Variants in PTK6 observed in about 807,000 individuals in gnomAD.
PTK6 encodes protein tyrosine kinase 6.
PTK6 carries 47 observed loss-of-function variants against 47.5 expected under a neutral mutation model. The observed-to-expected ratio is 0.99, with a 90% CI of 0.78 to 1.26. The LOEUF is 1.26. Ranked by LOEUF, PTK6 falls within the 50% of genes most tolerant of loss-of-function variation. PTK6 has a pLI of 0.00. For synonymous variants in PTK6, 287 were observed against 276.5 expected, an observed-to-expected ratio of 1.04 and a Z score of -0.38; for missense variants, 618 against 625.3, an observed-to-expected ratio of 0.99 and a Z score of 0.12.
rs2082640484 is a variant in PTK6 at position 63,533,399 on chromosome 20, A to G, written c.670+152T>C. On this transcript the variant is annotated intron_variant, in intron 4 of 7. Transcript: ENST00000542869. The surrounding 1 kb of genome is among the most constrained non-coding windows in gnomAD (Gnocchi z 4.0). Reference sequence around the variant, plus strand: ...TCTTTTATAATAAATGTATTTAGGTAAAAACATAGGTGCAATTGAAAGGGA... The same window carrying G: ...TCTTTTATAATAAATGTATTTAGGTGAAAACATAGGTGCAATTGAAAGGGA... The G allele has an allele frequency of 2.3e-6, 2 of 869,760 alleles. No individual in the cohort carries two copies. The highest frequency in any genetic ancestry group is 3.2e-6 in the Non-Finnish European group (2 of 623,508). The allele number at this position is 869,760 out of a possible 1,614,324, so 53.9% of individuals were successfully genotyped here.
Position 63,533,650 on chromosome 20 carries a change from A to T in PTK6, c.571T>A (p.Phe191Ile). Residue 191 changes from phenylalanine to isoleucine, a missense_variant, in exon 4 of 8, where the codon TTC becomes ATC. Transcript: ENST00000542869. This position sits in a 1 kb window ranked among gnomAD's most constrained non-coding sequence, Gnocchi z 4.0. ...WDDWERPREEFTLCRKLGSGY... is the reference protein window; with the variant it reads ...WDDWERPREEITLCRKLGSGY... The stretch of plus-strand genomic sequence containing the variant: ...GACCCCAGCTTCCTGCAGAGCGTGA[A>T]CTCCTCCCTCGGCCTCTCCCAGTCA... 1 of 1,613,298 alleles carries T rather than the reference A, an allele frequency of 6.2e-7. No homozygotes were observed.
intron 2 of PTK6, 101 bp downstream of exon 2, chr20:63,534,837 C>T: frequency 1.4e-6 from 2 of 1,433,060 alleles, no homozygotes; most frequent in Non-Finnish European, 1.8e-6. Flanking sequence ...AGCCCATGTC[C>T]CCCGTCTCAG....
rs538978244 is a variant in PTK6 at position 63,529,598 on chromosome 20, G to A, written c.1294C>T (p.Pro432Ser). 5 of 1,566,484 alleles carry A rather than the reference G, an allele frequency of 3.2e-6. No individual in the cohort carries two copies. In the South Asian group the frequency reaches 3.5e-5, roughly 11 times the overall value. Residue 432 changes from proline (P) to serine (S), a missense_variant, in exon 8 of 8, where the codon CCC (proline) becomes TCC (serine). By Grantham distance (74) the Pro-to-Ser change is moderately conservative. Transcript: ENST00000542869. The surrounding 1 kb of genome is among the most constrained non-coding windows in gnomAD (Gnocchi z 5.6). ...CTCTCCCGCAGGGCCTTGAAGCAGGGTCTCTGCTCGGGGTCCCTGCACCAG... is the reference window on the plus strand; with the variant it reads ...CTCTCCCGCAGGGCCTTGAAGCAGGATCTCTGCTCGGGGTCCCTGCACCAG... ...TCWCRDPEQRPCFKALRERLS... is the reference protein window; with the variant it reads ...TCWCRDPEQRSCFKALRERLS...
At chr20:63,534,917 G>A in intron 2 of PTK6, 21 bp downstream of exon 2, 3 of 1,581,472 alleles carry the variant, frequency 1.9e-6, no homozygotes, top group Non-Finnish European at 1.7e-6. Flanking sequence ...GCAAGCACAG[G>A]CTCGGAGGCC....
At position 63,534,195 on chromosome 20, in the gene PTK6, T is replaced by C. The variant is rs1169486629; in HGVS notation, c.473A>G (p.Gln158Arg). ...CAGCCGCAGGCCGTGGGACAGGCTC[T>C]GGGCCCTGTGGTAGTTCACAAGCTC... is the stretch of plus-strand genomic sequence containing the variant. ...LPELVNYHRA[Q>R]SLSHGLRLAA... Residue 158 changes from glutamine to arginine, a missense_variant, in exon 3 of 8, where the codon CAG becomes CGG. Transcript: ENST00000542869. 1 of 1,574,808 alleles carries C rather than the reference T, an allele frequency of 6.3e-7. No individual in the cohort carries two copies. Among genetic ancestry groups the C allele is most frequent in the Non-Finnish European group, 8.6e-7 (1 of 1,161,446 alleles).
intron 1 of PTK6, among the ~76,000 whole-genome samples, chr20:63,536,161 C>G (rs1884823): frequency 4.4e-4 from 2 of 4,564 alleles, no homozygotes; most frequent in Non-Finnish European, 8.3e-4. Context: ...CGCTCCCCCC[C>G]CCACCTGGCC....
chr20:63,531,895 G>A (rs563416254), intron 5 of PTK6, among the ~76,000 whole-genome samples: 4 of 152,354 alleles, frequency 2.6e-5, no homozygotes, highest in South Asian at 4.1e-4. Flanking sequence ...CGAGGGGTAC[G>A]GAGCCTTTCG....
rs2082589241 is a variant in PTK6 at position 63,528,137 on chromosome 20, T to C, written c.*1399A>G. The C allele has an allele frequency of 1.3e-5, 2 of 152,196 alleles. No individual in the cohort carries two copies. Among genetic ancestry groups the C allele is most frequent in the South Asian group, 4.1e-4 (2 of 4,832 alleles). The allele number at this position is 152,196 out of a possible 1,614,324, so 9.4% of individuals were successfully genotyped here. On this transcript the variant is annotated 3_prime_UTR_variant, in exon 8 of 8. Coordinates refer to ENST00000542869, the MANE Select transcript of PTK6 (RefSeq NM_005975.4). ...TTGCACCAGATTTCTAGGAATAGCATGTGAGATAGGATATATATCATAGGA... is the reference window on the plus strand; with the variant it reads ...TTGCACCAGATTTCTAGGAATAGCACGTGAGATAGGATATATATCATAGGA...
Position 63,537,164 on chromosome 20 carries a change from C to T in PTK6, c.151G>A (p.Asp51Asn). The T allele has an allele frequency of 6.2e-7, 1 of 1,612,342 alleles. No homozygotes were observed. Among genetic ancestry groups the T allele is most frequent in the South Asian group, 1.1e-5 (1 of 90,998 alleles). ...TGGGCCACGGCCCCACCCGCCTCGTCCAGCAGCGTGGCCCACCACCACTGC... is the reference window on the plus strand; with the variant it reads ...TGGGCCACGGCCCCACCCGCCTCGTTCAGCAGCGTGGCCCACCACCACTGC... Reference protein sequence around the residue: ...EEQWWWATLLDEAGGAVAQGY... With the variant: ...EEQWWWATLLNEAGGAVAQGY... The change falls in exon 1 of 8, where the codon GAC (aspartate) becomes AAC (asparagine). Residue 51 changes from aspartate (D) to asparagine (N), a missense_variant. Coordinates refer to ENST00000542869, the MANE Select transcript of PTK6 (RefSeq NM_005975.4).
chr20:63,529,786 A>C lies in PTK6; in HGVS notation c.1169-63T>G. 3 of 1,458,004 alleles carry C rather than the reference A, an allele frequency of 2.1e-6. No individual in the cohort carries two copies. The highest frequency in any genetic ancestry group is 2.8e-6 in the Non-Finnish European group (3 of 1,087,392). The allele number at this position is 1,458,004 out of a possible 1,614,324, so 90.3% of individuals were successfully genotyped here. On this transcript the variant is annotated intron_variant, in intron 7 of 7. Coordinates refer to ENST00000542869, the MANE Select transcript of PTK6 (RefSeq NM_005975.4). The surrounding 1 kb of genome is among the most constrained non-coding windows in gnomAD (Gnocchi z 5.6). The stretch of plus-strand genomic sequence containing the variant: ...TGCCTACCCTCCCCCAAGAAGCCAC[A>C]CCAGCCATCCACTGCCCCTTCCTGG...
At chr20:63,532,459 G>A in intron 5 of PTK6, 67 bp downstream of exon 5, 2 of 1,500,560 alleles carry the variant, frequency 1.3e-6, no homozygotes, top group South Asian at 1.2e-5. Context: ...GTGGGGGGGG[G>A]GTGTGCACTT....
rs1450323297 is a variant in PTK6 at position 63,532,309 on chromosome 20, G to GTGTGTGCATGTGTATGTC, written c.832+199_832+216dup. Among the ~76,000 whole-genome samples the GTGTGTGCATGTGTATGTC allele has an allele frequency of 3.3e-5, 4 of 120,132 alleles. No homozygotes were observed. The South Asian group carries it at 6.3e-4, about 19-fold the overall frequency. The allele number at this position is 120,132 out of a possible 152,430, so 78.8% of individuals were successfully genotyped here. ...TGTGATGTGTCTTGTGTGTGTGTCT[G>GTGTGTGCATGTGTATGTC]TGTGTGCATGTGTATGTCTGTGTGC... On this transcript the variant is annotated intron_variant, in intron 5 of 7. Transcript: ENST00000542869.
chr20:63,537,317 C>A lies in PTK6; in HGVS notation c.-3G>T, dbSNP rs368269732. 38 of 1,604,674 alleles carry A rather than the reference C, an allele frequency of 2.4e-5. No homozygotes were observed. The highest frequency in any genetic ancestry group is 3.1e-5 in the Non-Finnish European group (36 of 1,176,344). ...TGAGCCTGGTCCCGGGACACCATGG[C>A]GGGCGGGCGCAGCGGCAGGACCAGG... is the stretch of plus-strand genomic sequence containing the variant. On this transcript the variant is annotated 5_prime_UTR_variant, in exon 1 of 8. Transcript: ENST00000542869.
rs1265305922 is a variant in PTK6 at position 63,537,200 on chromosome 20, T to C, written c.115A>G (p.Arg39Gly). Residue 39 changes from arginine to glycine, a missense_variant, in exon 1 of 8, where the codon AGG becomes GGG. Arg to Gly is a moderately radical substitution (Grantham distance 125). Coordinates refer to ENST00000542869, the MANE Select transcript of PTK6 (RefSeq NM_005975.4). Reference protein sequence around the residue: ...FRAGDVFHVARKEEQWWWATL... With the variant: ...FRAGDVFHVAGKEEQWWWATL... ...GCCCACCACCACTGCTCCTCCTTCC[T>C]GGCCACGTGGAAGACGTCCCCCGCG... is the stretch of plus-strand genomic sequence containing the variant. The C allele has an allele frequency of 6.2e-7, 1 of 1,612,350 alleles. No homozygotes were observed. The highest frequency in any genetic ancestry group is 1.3e-5 in the African/African-American group (1 of 75,050).
chr20:63,533,783 G>T lies in PTK6; in HGVS notation c.517-79C>A. On this transcript the variant is annotated intron_variant, in intron 3 of 7. Transcript: ENST00000542869. This position sits in a 1 kb window ranked among gnomAD's most constrained non-coding sequence, Gnocchi z 4.0. Reference sequence around the variant, plus strand: ...GTCTGAAGCCAGCACAGGGAGCCTGGATTTAGCCTCAGATTTAGGGCCACG... The same window carrying T: ...GTCTGAAGCCAGCACAGGGAGCCTGTATTTAGCCTCAGATTTAGGGCCACG... 1 of 1,523,022 alleles carries T rather than the reference G, an allele frequency of 6.6e-7. No individual in the cohort carries two copies. The highest frequency in any genetic ancestry group is 8.8e-7 in the Non-Finnish European group (1 of 1,135,660). 94.3% of individuals were successfully genotyped at this position (1,523,022 alleles called of 1,614,324 possible). A position where few individuals can be genotyped will look rare whatever the true frequency, so the allele number is the denominator to read the frequency against.
Position 63,530,070 on chromosome 20 carries a change from G to T in PTK6, c.1168+8C>A. ...CTCATGCCCAGTCAGGGACAGTGGG[G>T]ACAGTACCTGGGTAGGGCACCTGAC... On this transcript the variant is annotated splice_region_variant and intron_variant, in intron 7 of 7. Transcript: ENST00000542869. The surrounding 1 kb of genome is among the most constrained non-coding windows in gnomAD (Gnocchi z 4.1). 6.2e-7 allele frequency: 1 copy of T among 1,613,432 alleles called. No individual in the cohort carries two copies.
rs774626812 is a variant in PTK6 at position 63,530,105 on chromosome 20, AC to A, written c.1140del (p.Met380IlefsTer19). On this transcript the variant is annotated frameshift_variant, in exon 7 of 8. Transcript: ENST00000542869. LOFTEE classifies it low-confidence loss of function (END_TRUNC). This position sits in a 1 kb window ranked among gnomAD's most constrained non-coding sequence, Gnocchi z 4.1. ...VWSFGILLHE[M>X]FSRGQVPYPG... Reference sequence around the variant, plus strand: ...GGGTAGGGCACCTGACCCCTGCTGAACATCTCATGCAGGAGAATCCCAAAGG... The same window carrying A: ...GGGTAGGGCACCTGACCCCTGCTGAAATCTCATGCAGGAGAATCCCAAAGG... 14 of 1,613,944 alleles carry A rather than the reference AC, an allele frequency of 8.7e-6. No individual in the cohort carries two copies. Among genetic ancestry groups the A allele is most frequent in the Middle Eastern group, 3.3e-4 (2 of 6,084 alleles).
Position 63,533,431 on chromosome 20 carries a change from C to G in PTK6, c.670+120G>C, listed in dbSNP as rs531940284. The stretch of plus-strand genomic sequence containing the variant: ...TAGGTGCAATTGAAAGGGAACCACT[C>G]TCGCATGGACGCTGTGGGTGCTGCT... On this transcript the variant is annotated intron_variant, in intron 4 of 7. Transcript: ENST00000542869. The surrounding 1 kb of genome is among the most constrained non-coding windows in gnomAD (Gnocchi z 4.0). The G allele has an allele frequency of 2.1e-3, 2,564 of 1,229,198 alleles. 75 individuals are homozygous for G. In the South Asian group the frequency reaches 0.04, roughly 19 times the overall value. 76.1% of individuals were successfully genotyped at this position (1,229,198 alleles called of 1,614,324 possible). A position where few individuals can be genotyped will look rare whatever the true frequency, so the allele number is the denominator to read the frequency against.
Position 63,533,966 on chromosome 20 carries a change from C to A in PTK6, c.516+186G>T, listed in dbSNP as rs2082644720. Among the ~76,000 whole-genome samples the A allele has an allele frequency of 6.6e-6, 1 of 152,190 alleles. No homozygotes were observed. The highest frequency in any genetic ancestry group is 2.4e-5 in the African/African-American group (1 of 41,448). ...AGTGGCCAGGCCCGGGGATGGTCTCCTGGCCCCACCCCCAACTCAGGCAAA... is the reference window on the plus strand; with the variant it reads ...AGTGGCCAGGCCCGGGGATGGTCTCATGGCCCCACCCCCAACTCAGGCAAA... On this transcript the variant is annotated intron_variant, in intron 3 of 7. Transcript: ENST00000542869. This position sits in a 1 kb window ranked among gnomAD's most constrained non-coding sequence, Gnocchi z 4.0.
Sources: allele counts gnomAD v4.1 joint callset (sites outside exome capture counted in the v4.1 genomes callset), GRCh38; gene constraint gnomAD v4.1.1; non-coding constraint Gnocchi (gnomAD v3.1); transcripts MANE v1.5; gene names NCBI Gene and HGNC (gene_info 2026-07-23, HGNC 2026-07-21).